The following ELF2 variants were observed in gnomAD, a reference collection of about 807,000 sequenced individuals.
ELF2 encodes the protein ETS-related transcription factor Elf-2.
ELF2 carries 11 observed loss-of-function variants against 54.8 expected under a neutral mutation model. The ratio of observed to expected loss-of-function variants is 0.20; its 90% CI spans 0.13 to 0.33. The LOEUF is 0.33. Ranked by LOEUF, ELF2 falls within the 10% of genes least tolerant of loss-of-function variation. ELF2 has a pLI of 1.00. For synonymous variants in ELF2, 203 were observed against 245.1 expected (o/e 0.83, Z 1.61); for missense variants, 513 against 703.0 (o/e 0.73, Z 3.06).
At chr4:139,076,405 T>A (rs1382142877) in intron 4 of ELF2, among the ~76,000 whole-genome samples, 1 of 152,026 alleles carries the variant, frequency 6.6e-6, no homozygotes, top group Non-Finnish European at 1.5e-5. Context: ...ATTATTGTTT[T>A]CAAAGTGCCT....
chr4:139,092,800 A>AAAAT (rs1242036908), intron 4 of ELF2, among the ~76,000 whole-genome samples: 3 of 151,866 alleles, frequency 2.0e-5, no homozygotes, highest in Non-Finnish European at 4.4e-5. Context: ...CTCCGTCTCA[A>AAAAT]AAATAAATAA....
intron 7 of ELF2, among the ~76,000 whole-genome samples, chr4:139,063,172 C>T (rs1332951150): frequency 3.3e-5 from 5 of 152,078 alleles, no homozygotes; most frequent in African/African-American, 4.8e-5. Flanking sequence ...GCATGAGAAT[C>T]GCTTGAACCC....
At chr4:139,135,053 CA>C (rs1560851818) in intron 3 of ELF2, among the ~76,000 whole-genome samples, 1 of 151,742 alleles carries the variant, frequency 6.6e-6, no homozygotes, top group African/African-American at 2.4e-5. Flanking sequence ...CTTTTATAAT[CA>C]GGGGAAACAT....
At chr4:139,109,706 C>T (rs1734767413) in intron 4 of ELF2, among the ~76,000 whole-genome samples, 1 of 152,140 alleles carries the variant, frequency 6.6e-6, no homozygotes, top group Non-Finnish European at 1.5e-5. Flanking sequence ...ATGGAACAGC[C>T]GGAGGCTAAC....
chr4:139,126,011 C>T (rs1736881563), intron 3 of ELF2, among the ~76,000 whole-genome samples: 1 of 152,048 alleles, frequency 6.6e-6, no homozygotes, highest in African/African-American at 2.4e-5. Flanking sequence ...CATACTCTAC[C>T]CAAAATGGAG....
At chr4:139,084,271 G>T in intron 4 of ELF2, 2 of 1,604,558 alleles carry the variant, frequency 1.2e-6, no homozygotes, top group Non-Finnish European at 1.7e-6. Context: ...CGGAACCCGC[G>T]GCCGGAGACA....
At chr4:139,114,646 T>TTTC (rs1735401512) in intron 4 of ELF2, among the ~76,000 whole-genome samples, 1 of 85,184 alleles carries the variant, frequency 1.2e-5, no homozygotes, top group African/African-American at 5.9e-5. Flanking sequence ...TTCTTTCTTT[T>TTTC]TTTTTTTTTT....
At chr4:139,143,695 G>A (rs1461450976) in intron 1 of ELF2, among the ~76,000 whole-genome samples, 2 of 152,196 alleles carry the variant, frequency 1.3e-5, no homozygotes, top group Non-Finnish European at 2.9e-5. Flanking sequence ...TGAGGCAGGA[G>A]CTCGAGCTCG....
intron 4 of ELF2, among the ~76,000 whole-genome samples, chr4:139,086,659 T>G (rs1732017426): frequency 6.6e-6 from 1 of 152,174 alleles, no homozygotes; most frequent in African/African-American, 2.4e-5. Flanking sequence ...AGCACTAAAT[T>G]ATATAACAAA....
intron 4 of ELF2, among the ~76,000 whole-genome samples, chr4:139,082,427 G>C (rs1731246513): frequency 1.3e-5 from 2 of 152,188 alleles, no homozygotes; most frequent in South Asian, 4.1e-4. Context: ...TGACCAGAAA[G>C]CAACTGTCAA....
chr4:139,103,944 T>A (rs752439852), intron 4 of ELF2, among the ~76,000 whole-genome samples: 5 of 152,204 alleles, frequency 3.3e-5, no homozygotes, highest in Non-Finnish European at 7.3e-5. Flanking sequence ...CACCACCCAG[T>A]TTAATATAAA....
chr4:139,170,816 G>A (rs1742235424), intron 1 of ELF2, among the ~76,000 whole-genome samples: 1 of 151,440 alleles, frequency 6.6e-6, no homozygotes, highest in Admixed American at 6.6e-5. Context: ...TGCAATCTCA[G>A]CTCACTGCAA....
chr4:139,115,271 C>T lies in ELF2; in HGVS notation c.238+9893G>A, dbSNP rs573675824. 1,080 of 1,594,928 alleles carry T rather than the reference C, an allele frequency of 6.8e-4. 4 individuals carry two copies. The highest frequency in any genetic ancestry group is 3.2e-3 in the Middle Eastern group (14 of 4,396). On this transcript the variant is annotated intron_variant, in intron 4 of 9. Transcript: ENST00000686138. Reference sequence around the variant, plus strand: ...CCGCCCGGGCCCTCTCCTGCGGTCCCGGGGGGGGCTCTGAAAGTAGACGCG... The same window carrying T: ...CCGCCCGGGCCCTCTCCTGCGGTCCTGGGGGGGGCTCTGAAAGTAGACGCG...
intron 4 of ELF2, 98 bp downstream of exon 4, chr4:139,125,065 TA>T (rs1560839287): frequency 7.0e-7 from 1 of 1,435,650 alleles, no homozygotes; most frequent in South Asian, 1.4e-5. Flanking sequence ...TAAATAGCAT[TA>T]AAAAGGTTTT....
chr4:139,070,161 C>G (rs574409469), intron 6 of ELF2, among the ~76,000 whole-genome samples: 181 of 151,908 alleles, frequency 1.2e-3, no homozygotes, highest in Non-Finnish European at 2.3e-3. Flanking sequence ...TTTAAATGGT[C>G]ACTAAGAGCT....
At chr4:139,072,343 T>C (rs1028236758) in intron 5 of ELF2, 2 of 237,150 alleles carry the variant, frequency 8.4e-6, no homozygotes, top group African/African-American at 4.6e-5. Context: ...TTCTAAATTA[T>C]TCTAAGAGTT....
chr4:139,087,700 C>A (rs1732132103), intron 4 of ELF2, among the ~76,000 whole-genome samples: 1 of 152,112 alleles, frequency 6.6e-6, no homozygotes, highest in South Asian at 2.1e-4. Flanking sequence ...ATCCTGACCT[C>A]GTGATCCGCC....
At chr4:139,137,609 G>T in intron 3 of ELF2, 21 bp downstream of exon 3, 1 of 1,604,582 alleles carries the variant, frequency 6.2e-7, no homozygotes, top group Middle Eastern at 1.7e-4. Flanking sequence ...AAATAGAAAT[G>T]TAATTCATTG....
At chr4:139,139,709 T>A (rs935292828) in intron 1 of ELF2, among the ~76,000 whole-genome samples, 1 of 152,054 alleles carries the variant, frequency 6.6e-6, no homozygotes, top group African/African-American at 2.4e-5. Context: ...AATTCACCAC[T>A]ACATAACAAA....
Sources: gnomAD v4.1 joint callset for allele counts (sites outside exome capture counted in the v4.1 genomes callset) on GRCh38, gnomAD v4.1.1 for gene constraint, MANE v1.5 for transcripts, NCBI Gene and HGNC (gene_info 2026-07-23, HGNC 2026-07-21) for gene names.